ABCA8: variants seen among roughly 807,000 people sequenced by gnomAD.
The protein encoded by ABCA8 is ATP binding cassette subfamily A member 8, also known as ABC-type organic anion transporter ABCA8.
In ABCA8, 177 loss-of-function variants were observed where a neutral mutation model predicts 192.3. The observed-to-expected ratio is 0.92, with a 90% CI of 0.81 to 1.04. The LOEUF (loss-of-function observed/expected upper bound fraction) is 1.04, where lower values mean the gene tolerates loss of function less well. Ranked by LOEUF, ABCA8 falls within the 50% of genes least tolerant of loss-of-function variation. ABCA8 has a pLI of 0.00. For missense variants in ABCA8, 1,915 were observed against 1,904.8 expected, an observed-to-expected ratio of 1.01 and a Z score of -0.10; for synonymous variants, 642 against 690.2, an observed-to-expected ratio of 0.93 and a Z score of 1.09.
chr17:68,917,449 T>C lies in ABCA8; in HGVS notation c.2050A>G (p.Arg684Gly). The C allele has an allele frequency of 1.2e-6, 2 of 1,604,526 alleles. No individual in the cohort carries two copies. Among genetic ancestry groups the C allele is most frequent in the Non-Finnish European group, 1.7e-6 (2 of 1,176,154 alleles). The change falls in exon 17 of 40, where the codon AGG (arginine) becomes GGG (glycine). Residue 684 changes from arginine to glycine, a missense_variant and splice_region_variant. Physicochemically the swap from Arg to Gly is moderately radical, Grantham distance 125. Coordinates refer to ENST00000586539, the MANE Select transcript of ABCA8 (RefSeq NM_001288985.2). The stretch of plus-strand genomic sequence containing the variant: ...TTCCCTTGGGAGAGAAATACTTTCC[T>C]GTCTGAAAAAGAAGAAGAGCAAAGA... The part of the protein sequence containing the change: ...FMDEADILAD[R>G]KVFLSQGKLK...
chr17:68,939,324 C>T (rs1330033246), intron 4 of ABCA8, among the ~76,000 whole-genome samples: 1 of 152,028 alleles, frequency 6.6e-6, no homozygotes, highest in Non-Finnish European at 1.5e-5. Flanking sequence ...CACTATGATC[C>T]ATTTGGGATA....
chr17:68,873,397 T>G (rs377563538), intron 37 of ABCA8, among the ~76,000 whole-genome samples: 42 of 152,208 alleles, frequency 2.8e-4, no homozygotes, highest in African/African-American at 8.7e-4. Flanking sequence ...AACGACCCAT[T>G]TCTCTGAAAG....
intron 12 of ABCA8, 141 bp from the exon 13 acceptor site, chr17:68,921,633 T>C: frequency 2.1e-6 from 1 of 481,232 alleles, no homozygotes; most frequent in Non-Finnish European, 3.7e-6. Flanking sequence ...ATAAATATAG[T>C]GGGTTGTTAA....
intron 7 of ABCA8, among the ~76,000 whole-genome samples, chr17:68,929,984 C>CG (rs2067815668): frequency 9.4e-5 from 2 of 21,204 alleles, no homozygotes; most frequent in African/African-American, 1.8e-4. Context: ...GGGGTGGGGG[C>CG]GGTGGGGGGG....
At chr17:68,927,315 A>G (rs1030344130) in intron 10 of ABCA8, among the ~76,000 whole-genome samples, 1 of 152,164 alleles carries the variant, frequency 6.6e-6, no homozygotes, top group Non-Finnish European at 1.5e-5. Context: ...GAGACACTGC[A>G]GTGGGTGCTT....
rs944443773 is a variant in ABCA8, at chr17:68,875,508, C to G, written c.4490+106G>C. ...TGTCTCAAGGTCCCTATTGTTAGAC[C>G]TGGGCACAGTCATTTCAGCTGTTTT... On this transcript the variant is annotated intron_variant, in intron 36 of 39. Coordinates refer to ENST00000586539, the MANE Select transcript of ABCA8 (RefSeq NM_001288985.2). 9 of 1,590,634 alleles carry G rather than the reference C, an allele frequency of 5.7e-6. No homozygotes were observed. In the Admixed American group the frequency reaches 6.9e-5, roughly 12 times the overall value.
chr17:68,941,783 A>G (rs539406501), intron 3 of ABCA8, among the ~76,000 whole-genome samples, 156 bp downstream of exon 3: 2 of 152,338 alleles, frequency 1.3e-5, no homozygotes, highest in South Asian at 2.1e-4. Context: ...AAACAGATTC[A>G]TGGCCTGAAG....
chr17:68,904,904 C>T (rs1471101001), intron 19 of ABCA8, among the ~76,000 whole-genome samples: 1 of 152,058 alleles, frequency 6.6e-6, no homozygotes, highest in Non-Finnish European at 1.5e-5. Context: ...AATAAATAAA[C>T]AAAAAGTGAT....
Position 68,868,337 on chromosome 17 carries a change from T to TAGAG in ABCA8, c.4730_4731insCTCT (p.Glu1578SerfsTer26). The TAGAG allele has an allele frequency of 6.2e-7, 1 of 1,613,724 alleles. No homozygotes were observed. Among genetic ancestry groups the TAGAG allele is most frequent in the Non-Finnish European group, 8.5e-7 (1 of 1,179,682 alleles). On this transcript the variant is annotated frameshift_variant, in exon 39 of 40. Transcript: ENST00000586539. LOFTEE classifies it high-confidence loss of function. ...TAGACTGTGAGAGGCTGTACTCCTC[T>TAGAG]AGGTCAAAGCTCTGTTTAACTGCAT...
intron 19 of ABCA8, among the ~76,000 whole-genome samples, 189 bp from the exon 20 acceptor site, chr17:68,903,688 AC>A (rs1256333014): frequency 1.3e-5 from 2 of 152,132 alleles, no homozygotes; most frequent in Non-Finnish European, 2.9e-5. Context: ...TAGAAAGGAG[AC>A]CTTAGGTAAT....
intron 19 of ABCA8, among the ~76,000 whole-genome samples, chr17:68,904,747 C>T (rs1313197186): frequency 1.3e-5 from 2 of 152,046 alleles, no homozygotes; most frequent in Non-Finnish European, 2.9e-5. Flanking sequence ...GGGGCAGATA[C>T]TCAGAAAAAC....
chr17:68,938,275 G>C (rs1054087066), intron 4 of ABCA8, among the ~76,000 whole-genome samples: 1 of 152,136 alleles, frequency 6.6e-6, no homozygotes, highest in Non-Finnish European at 1.5e-5. Context: ...GGAAGGAAAA[G>C]TCCAACATAC....
chr17:68,931,711 C>A (rs1341495494), intron 7 of ABCA8: 1 of 151,094 alleles, frequency 6.6e-6, no homozygotes, highest in East Asian at 1.9e-4. Context: ...TATTAAATGA[C>A]CAGCCTCTCT....
rs376967147 is a variant in ABCA8, at chr17:68,914,782, AAAAC to A, written c.2138+2575_2138+2578del. On this transcript the variant is annotated intron_variant, in intron 17 of 39. Coordinates refer to ENST00000586539, the MANE Select transcript of ABCA8 (RefSeq NM_001288985.2). Reference sequence around the variant, plus strand: ...ACCAATGACATTCTTCACAGAATAAAAAACAAACAAACTAATATTTATATGGAAC... The same window carrying A: ...ACCAATGACATTCTTCACAGAATAAAAAACAAACTAATATTTATATGGAAC... Among the ~76,000 whole-genome samples the A allele has an allele frequency of 1.4e-3, 211 of 152,212 alleles. 4 individuals carry two copies. Among genetic ancestry groups the A allele is most frequent in the African/African-American group, 5.0e-3 (207 of 41,570 alleles).
rs939047187 is a variant in ABCA8, at chr17:68,867,813, A to G, written c.*272T>C. On this transcript the variant is annotated 3_prime_UTR_variant, in exon 40 of 40. Coordinates refer to ENST00000586539, the MANE Select transcript of ABCA8 (RefSeq NM_001288985.2). ...TATCTAGAAACTTATACGATCATGT[A>G]AAAGTAAATTTATTTATTCAGTATT... 1 of 255,688 alleles carries G rather than the reference A, an allele frequency of 3.9e-6. No homozygotes were observed. The highest frequency in any genetic ancestry group is 7.3e-6 in the Non-Finnish European group (1 of 137,078). 15.8% of individuals were successfully genotyped at this position (255,688 alleles called of 1,614,324 possible).
chr17:68,885,747 A>G (rs1481577879), intron 26 of ABCA8, among the ~76,000 whole-genome samples: 3 of 151,922 alleles, frequency 2.0e-5, no homozygotes, highest in Non-Finnish European at 2.9e-5. Context: ...ATGGGGTTTC[A>G]CCATGTTGCT....
chr17:68,941,579 T>C (rs543163721), intron 3 of ABCA8, among the ~76,000 whole-genome samples: 179 of 152,292 alleles, frequency 1.2e-3, no homozygotes, highest in Non-Finnish European at 2.0e-3. Context: ...AAAATGCCAG[T>C]TACCCATTGT....
chr17:68,895,765 T>C (rs143535825), intron 21 of ABCA8, among the ~76,000 whole-genome samples: 2,163 of 152,298 alleles, frequency 0.014, 21 homozygotes, highest in Middle Eastern at 0.037. Flanking sequence ...TTTCCCCACA[T>C]CTGCGTTGCA....
At chr17:68,917,203 G>A (rs1382375606) in intron 17 of ABCA8, among the ~76,000 whole-genome samples, 158 bp downstream of exon 17, 2 of 152,050 alleles carry the variant, frequency 1.3e-5, no homozygotes, top group Non-Finnish European at 1.5e-5. Context: ...CCCAGGAGGC[G>A]GAGCTTGCAG....
Sources: gnomAD v4.1 joint callset for allele counts (sites outside exome capture counted in the v4.1 genomes callset) on GRCh38, gnomAD v4.1.1 for gene constraint, MANE v1.5 for transcripts, NCBI Gene and HGNC (gene_info 2026-07-23, HGNC 2026-07-21) for gene names.